WWP2: variants seen among roughly 807,000 people sequenced by gnomAD.
The protein encoded by WWP2 is NEDD4-like E3 ubiquitin-protein ligase WWP2.
WWP2 carries 57 observed loss-of-function variants against 121.0 expected under a neutral mutation model. That is an observed-to-expected ratio of 0.47 (90% confidence interval 0.38 to 0.59). The LOEUF (loss-of-function observed/expected upper bound fraction) is 0.59. Among genes scored for constraint, WWP2 ranks in the 20% least tolerant of loss-of-function variants. The pLI is 0.00. For synonymous variants in WWP2, 449 were observed against 441.3 expected (o/e 1.02, Z -0.22); for missense variants, 962 against 1,158.9 (o/e 0.83, Z 2.47).
intron 1 of WWP2, among the ~76,000 whole-genome samples, chr16:69,763,121 T>TAA (rs1270813647): frequency 2.0e-5 from 3 of 152,246 alleles, no homozygotes; most frequent in Non-Finnish European, 4.4e-5. Flanking sequence ...AAATGGCTTT[T>TAA]AGCTTACACT....
At position 69,876,436 on chromosome 16, in the gene WWP2, C is replaced by G. The variant is rs1017730410; in HGVS notation, c.703+4505C>G. ...CTGGAATGCCGTGGCATGATCTTGG[C>G]TCACTATAACCTACACCTCCCGGGT... On this transcript the variant is annotated intron_variant, in intron 7 of 23. Transcript: ENST00000359154. Among the ~76,000 whole-genome samples, 5 of 150,926 alleles carry G rather than the reference C, an allele frequency of 3.3e-5. No individual in the cohort carries two copies. In the South Asian group the frequency reaches 1.0e-3, roughly 31 times the overall value.
At chr16:69,826,921 A>C (rs1452214284) in intron 4 of WWP2, among the ~76,000 whole-genome samples, 24 of 128,246 alleles carry the variant, frequency 1.9e-4, no homozygotes, top group Non-Finnish European at 2.7e-4. Flanking sequence ...CCTGGGTGAC[A>C]GAGCGAGACT....
rs983842004 is a variant in WWP2 at position 69,894,108 on chromosome 16, C to T, written c.914+5859C>T. Among the ~76,000 whole-genome samples, 28 of 151,702 alleles carry T rather than the reference C, an allele frequency of 1.8e-4. 3 individuals are homozygous for T. The highest frequency in any genetic ancestry group is 1.4e-3 in the Admixed American group (21 of 15,234). The stretch of plus-strand genomic sequence containing the variant: ...TTTTTTTAACTGAGATGGAGTCTCG[C>T]TCTGTCACCCAGGCTGGAGTGCAGT... On this transcript the variant is annotated intron_variant, in intron 8 of 23. Coordinates refer to ENST00000359154, the MANE Select transcript of WWP2 (RefSeq NM_001270454.2).
chr16:69,802,230 A>G (rs1046985756), intron 4 of WWP2, among the ~76,000 whole-genome samples: 7 of 152,066 alleles, frequency 4.6e-5, no homozygotes, highest in Non-Finnish European at 8.8e-5. Context: ...CCTGGCCTAT[A>G]TTTATTTTTA....
intron 4 of WWP2, among the ~76,000 whole-genome samples, chr16:69,830,212 C>A (rs1359047728): frequency 1.3e-5 from 2 of 152,178 alleles, no homozygotes; most frequent in Non-Finnish European, 2.9e-5. Flanking sequence ...GCCTTGGCCT[C>A]CCAAAGAGCT....
At chr16:69,848,469 A>G (rs1415253941) in intron 6 of WWP2, among the ~76,000 whole-genome samples, 1 of 151,358 alleles carries the variant, frequency 6.6e-6, no homozygotes, top group Non-Finnish European at 1.5e-5. Flanking sequence ...AAAACAAACA[A>G]ACAAGAAGCG....
chr16:69,825,381 G>GCACA (rs1285355873), intron 4 of WWP2, among the ~76,000 whole-genome samples: 12 of 150,444 alleles, frequency 8.0e-5, no homozygotes. Context: ...TTGAGATGGT[G>GCACA]CCACTGCACT....
intron 4 of WWP2, among the ~76,000 whole-genome samples, chr16:69,825,798 T>C (rs937087967): frequency 6.6e-6 from 1 of 151,900 alleles, no homozygotes; most frequent in Non-Finnish European, 1.5e-5. Flanking sequence ...TCTAAGTTTT[T>C]ACATTTTTTG....
At chr16:69,934,543 T>G (rs1217808496) in intron 17 of WWP2, among the ~76,000 whole-genome samples, 1 of 151,620 alleles carries the variant, frequency 6.6e-6, no homozygotes, top group Non-Finnish European at 1.5e-5. Context: ...GTTGAGGGCC[T>G]TGGGATGACA....
At chr16:69,764,402 G>A (rs911454644) in intron 1 of WWP2, among the ~76,000 whole-genome samples, 2 of 152,000 alleles carry the variant, frequency 1.3e-5, no homozygotes, top group African/African-American at 4.8e-5. Flanking sequence ...TATGTTGCCC[G>A]GGCTGTTTTC....
intron 4 of WWP2, among the ~76,000 whole-genome samples, chr16:69,803,339 A>ATT (rs59561303): frequency 1.0e-4 from 15 of 148,828 alleles, no homozygotes; most frequent in Non-Finnish European, 1.5e-4. Flanking sequence ...ACTTTTTTCT[A>ATT]TTTTTTTTTT....
intron 4 of WWP2, among the ~76,000 whole-genome samples, chr16:69,826,798 A>C (rs989803723): frequency 1.3e-5 from 2 of 150,530 alleles, no homozygotes; most frequent in African/African-American, 4.9e-5. Context: ...AATTAGCCGG[A>C]CATGGTGGCA....
intron 4 of WWP2, among the ~76,000 whole-genome samples, chr16:69,834,887 AAAG>A (rs1338290403): frequency 6.6e-6 from 1 of 152,162 alleles, no homozygotes; most frequent in Non-Finnish European, 1.5e-5. Context: ...GAAAAAAAGA[AAAG>A]AAATTGCTTA....
intron 4 of WWP2, among the ~76,000 whole-genome samples, chr16:69,819,451 G>GGT (rs1367621916): frequency 1.8e-4 from 27 of 152,272 alleles, no homozygotes; most frequent in Admixed American, 1.7e-3. Context: ...TCTCCAGCCC[G>GGT]GTGCTGCTCT....
intron 4 of WWP2, among the ~76,000 whole-genome samples, chr16:69,815,521 A>G (rs8052959): frequency 0.046 from 6,986 of 150,468 alleles, 518 homozygotes; most frequent in African/African-American, 0.15. Flanking sequence ...GGGGCTGGGC[A>G]CGGTGCCTGT....
intron 7 of WWP2, among the ~76,000 whole-genome samples, chr16:69,878,927 A>G (rs1261565189): frequency 6.6e-6 from 1 of 152,242 alleles, no homozygotes; most frequent in Non-Finnish European, 1.5e-5. Context: ...CATATATCCA[A>G]AGTAGTATAA....
chr16:69,888,566 T>C (rs754954272), intron 8 of WWP2, among the ~76,000 whole-genome samples: 1 of 152,202 alleles, frequency 6.6e-6, no homozygotes, highest in Non-Finnish European at 1.5e-5. Context: ...TTCGCCTAGA[T>C]CCTGCCTAGA....
intron 1 of WWP2, among the ~76,000 whole-genome samples, chr16:69,763,928 G>A (rs2038672378): frequency 1.3e-5 from 2 of 152,212 alleles, no homozygotes; most frequent in African/African-American, 4.8e-5. Context: ...TGGTCCATAT[G>A]AAAACAGGCT....
At chr16:69,777,982 A>T (rs918074406) in intron 1 of WWP2, among the ~76,000 whole-genome samples, 1 of 150,078 alleles carries the variant, frequency 6.7e-6, no homozygotes, top group African/African-American at 2.4e-5. Flanking sequence ...AGGTGAGAGG[A>T]TTGCTTGAGC....
Sources: gnomAD v4.1 joint callset for allele counts (sites outside exome capture counted in the v4.1 genomes callset) on GRCh38, gnomAD v4.1.1 for gene constraint, MANE v1.5 for transcripts, NCBI Gene and HGNC (gene_info 2026-07-23, HGNC 2026-07-21) for gene names.